The following RPS6KA4 variants were observed in gnomAD, a reference collection of about 807,000 sequenced individuals.
The protein encoded by RPS6KA4 is ribosomal protein S6 kinase A4, also known as ribosomal protein S6 kinase alpha-4.
RPS6KA4 carries 38 observed loss-of-function variants against 89.6 expected under a neutral mutation model. The observed-to-expected ratio is 0.42, with a 90% CI of 0.33 to 0.56. The LOEUF is 0.56. Among genes scored for constraint, RPS6KA4 ranks in the 20% least tolerant of loss-of-function variants. The pLI, the probability that RPS6KA4 is intolerant of heterozygous loss-of-function variation, is 0.07. For missense variants in RPS6KA4, 873 were observed against 1,098.8 expected (o/e 0.79, Z 2.90); for synonymous variants, 495 against 492.8 (o/e 1.00, Z -0.06).
At chr11:64,360,647 G>A (rs1310787264) in intron 4 of RPS6KA4, 55 bp downstream of exon 4, 4 of 1,452,298 alleles carry the variant, frequency 2.8e-6, no homozygotes, top group Non-Finnish European at 3.8e-6. Context: ...CTGTGCCTTG[G>A]AAGGAATCTG....
At chr11:64,364,652 C>T (rs915995499) in intron 8 of RPS6KA4, among the ~76,000 whole-genome samples, 1 of 152,018 alleles carries the variant, frequency 6.6e-6, no homozygotes, top group African/African-American at 2.4e-5. Context: ...TCATCTAACC[C>T]TGAGAGGGTC....
chr11:64,368,127 T>G lies in RPS6KA4; in HGVS notation c.1072-5T>G. On this transcript the variant is annotated splice_polypyrimidine_tract_variant and splice_region_variant and intron_variant, in intron 9 of 16. Coordinates refer to ENST00000334205, the MANE Select transcript of RPS6KA4 (RefSeq NM_003942.3). ...ATGCCCATTCCCCGGACTCCCGCCCTGCAGGGATACTCCTTTGTGGCACCC... is the reference window on the plus strand; with the variant it reads ...ATGCCCATTCCCCGGACTCCCGCCCGGCAGGGATACTCCTTTGTGGCACCC... 14 of 1,613,350 alleles carry G rather than the reference T, an allele frequency of 8.7e-6. No individual in the cohort carries two copies. Among genetic ancestry groups the G allele is most frequent in the Non-Finnish European group, 1.2e-5 (14 of 1,179,872 alleles).
rs750531289 is a variant in RPS6KA4 at position 64,369,858 on chromosome 11, G to C, written c.1762G>C (p.Glu588Gln). Residue 588 changes from glutamate (E) to glutamine (Q), a missense_variant, in exon 14 of 17, where the codon GAG (glutamate) becomes CAG (glutamine). Glu to Gln is a conservative substitution (Grantham distance 29). Around this residue, in one of 4 missense-constraint regions of RPS6KA4, gnomAD observed 278 missense variants for 284.8 expected, o/e 0.98. Coordinates refer to ENST00000334205, the MANE Select transcript of RPS6KA4 (RefSeq NM_003942.3). ...GCTGCTGGCGCAGCAGGGCTACGACGAGTCCTGCGACCTCTGGAGCCTGGG... is the reference window on the plus strand; with the variant it reads ...GCTGCTGGCGCAGCAGGGCTACGACCAGTCCTGCGACCTCTGGAGCCTGGG... ...PELLAQQGYD[E>Q]SCDLWSLGVI... is the part of the protein sequence containing the mutation. 7 of 1,566,874 alleles carry C rather than the reference G, an allele frequency of 4.5e-6. No homozygotes were observed. The Admixed American group carries it at 1.1e-4, about 25-fold the overall frequency.
intron 8 of RPS6KA4, among the ~76,000 whole-genome samples, chr11:64,364,374 C>T (rs1052042489): frequency 7.9e-5 from 12 of 152,040 alleles, no homozygotes; most frequent in African/African-American, 2.4e-4. Flanking sequence ...TTTGGTCACC[C>T]CTAACTGCAA....
Position 64,369,616 on chromosome 11 carries a change from G to C in RPS6KA4, c.1599G>C (p.Pro533=). 6.2e-7 allele frequency: 1 copy of C among 1,603,556 alleles called. No individual in the cohort carries two copies. The highest frequency in any genetic ancestry group is 8.5e-7 in the Non-Finnish European group (1 of 1,175,190). ...EAGVVHRDLK[P]ENILYADDTP... Reference sequence around the variant, plus strand: ...GCGTGGTGCACCGCGACCTCAAGCCGGAGGTGGGCGAGCTGCCTCGGCGGC... The same window carrying C: ...GCGTGGTGCACCGCGACCTCAAGCCCGAGGTGGGCGAGCTGCCTCGGCGGC... Residue 533 remains proline, a synonymous_variant, in exon 13 of 17, where the codon CCG becomes CCC. Transcript: ENST00000334205.
At position 64,371,693 on chromosome 11, in the gene RPS6KA4, T is replaced by G; in HGVS notation, c.*213T>G. The G allele has an allele frequency of 6.5e-6, 3 of 464,912 alleles. No homozygotes were observed. The highest frequency in any genetic ancestry group is 3.8e-6 in the Non-Finnish European group (1 of 262,134). The allele number at this position is 464,912 out of a possible 1,614,324, so 28.8% of individuals were successfully genotyped here. ...GAGTTGCAGGGAAGGGGGGGCCTGC[T>G]GGGGAGTGGGGTTTGGGGGGCCCTC... On this transcript the variant is annotated 3_prime_UTR_variant, in exon 17 of 17. Coordinates refer to ENST00000334205, the MANE Select transcript of RPS6KA4 (RefSeq NM_003942.3).
chr11:64,369,990 G>T, intron 14 of RPS6KA4, 97 bp downstream of exon 14: 1 of 1,317,810 alleles, frequency 7.6e-7, no homozygotes, highest in Non-Finnish European at 1.0e-6. Context: ...GGTCATCTTG[G>T]TGGGGGCGGC....
At chr11:64,369,936 C>G in intron 14 of RPS6KA4, 43 bp downstream of exon 14, 1 of 1,465,704 alleles carries the variant, frequency 6.8e-7, no homozygotes. Flanking sequence ...GTCGCTCGGA[C>G]CTGGCGTCTT....
At chr11:64,371,230 T>C (rs1591322725) in intron 16 of RPS6KA4, 53 bp from the exon 17 acceptor site, 3 of 1,566,018 alleles carry the variant, frequency 1.9e-6, no homozygotes, top group Admixed American at 3.5e-5. Flanking sequence ...AAACTAGATC[T>C]GGAAGCCGGG....
intron 8 of RPS6KA4, among the ~76,000 whole-genome samples, chr11:64,362,932 A>C (rs971793174): frequency 2.6e-5 from 4 of 152,100 alleles, no homozygotes; most frequent in Admixed American, 6.6e-5. Context: ...CATCCTCCCA[A>C]AGTGTTGGGA....
At position 64,361,205 on chromosome 11, in the gene RPS6KA4, G is replaced by A. The variant is rs374476876; in HGVS notation, c.534G>A (p.Thr178=). The change falls in exon 5 of 17, where the codon ACG becomes ACA. Residue 178 remains threonine (T), a synonymous_variant. Transcript: ENST00000334205. The surrounding 1 kb of genome is among the most constrained non-coding windows in gnomAD (Gnocchi z 4.7). ...LLDSEGHIVL[T]DFGLSKEFLT... ...ACTCCGAGGGCCACATTGTCCTCACGGACTTCGGGCTGAGCAAGGAGTTCC... is the reference window on the plus strand; with the variant it reads ...ACTCCGAGGGCCACATTGTCCTCACAGACTTCGGGCTGAGCAAGGAGTTCC... 1.1e-5 allele frequency: 18 copies of A among 1,613,462 alleles called. No homozygotes were observed. Among genetic ancestry groups the A allele is most frequent in the Middle Eastern group, 3.3e-4 (2 of 6,060 alleles).
intron 12 of RPS6KA4, 100 bp from the exon 13 acceptor site, chr11:64,369,346 A>T: frequency 7.7e-7 from 1 of 1,300,198 alleles, no homozygotes. Flanking sequence ...GGGTTCTCGA[A>T]CATTGGCAGG....
intron 9 of RPS6KA4, among the ~76,000 whole-genome samples, chr11:64,365,831 G>C (rs2036866101): frequency 6.6e-6 from 1 of 152,252 alleles, no homozygotes; most frequent in South Asian, 2.1e-4. Flanking sequence ...TTGAGGTCAG[G>C]AGTTCGAGAC....
intron 9 of RPS6KA4, among the ~76,000 whole-genome samples, chr11:64,366,186 T>G (rs113421210): frequency 0.3 from 44,667 of 151,140 alleles, 7,858 homozygotes; most frequent in South Asian, 0.38. Flanking sequence ...TTTTTTTTTT[T>G]TTTGAGACGG....
chr11:64,364,161 T>A (rs960284703), intron 8 of RPS6KA4, among the ~76,000 whole-genome samples: 5 of 151,996 alleles, frequency 3.3e-5, no homozygotes, highest in African/African-American at 1.2e-4. Context: ...TTTTTAATTT[T>A]TTTTTTATTC....
At position 64,372,102 on chromosome 11, in the gene RPS6KA4, G is replaced by T. The variant is rs2037090949; in HGVS notation, c.*622G>T. The stretch of plus-strand genomic sequence containing the variant: ...CTTCCTCTTTGGCACAGCTACTCCT[G>T]GCTGGGGGTGGGGCCTTGGGGGTCT... On this transcript the variant is annotated 3_prime_UTR_variant, in exon 17 of 17. Transcript: ENST00000334205. The T allele has an allele frequency of 6.5e-6, 1 of 152,714 alleles. No individual in the cohort carries two copies. Among genetic ancestry groups the T allele is most frequent in the Non-Finnish European group, 1.5e-5 (1 of 68,074 alleles). 9.5% of individuals were successfully genotyped at this position (152,714 alleles called of 1,614,324 possible).
intron 8 of RPS6KA4, 121 bp downstream of exon 8, chr11:64,362,123 A>T: frequency 8.2e-7 from 1 of 1,225,152 alleles, no homozygotes; most frequent in South Asian, 1.4e-5. Flanking sequence ...GAAAGAAAGC[A>T]AGTGTGTGTC....
chr11:64,369,640 G>A, intron 13 of RPS6KA4, 21 bp downstream of exon 13: 1 of 1,599,588 alleles, frequency 6.3e-7, no homozygotes, highest in Non-Finnish European at 8.5e-7. Flanking sequence ...TGCCTCGGCG[G>A]CGGGGCGGAG....
At position 64,369,488 on chromosome 11, in the gene RPS6KA4, C is replaced by A; in HGVS notation, c.1471C>A (p.Leu491Met). 1 of 1,609,830 alleles carries A rather than the reference C, an allele frequency of 6.2e-7. No individual in the cohort carries two copies. Among genetic ancestry groups the A allele is most frequent in the Non-Finnish European group, 8.5e-7 (1 of 1,178,972 alleles). ...LVLELLRGGE[L>M]LEHIRKKRHF... The stretch of plus-strand genomic sequence containing the variant: ...CCTGGAGCTGCTGCGGGGCGGGGAG[C>A]TGCTGGAGCACATCCGCAAGAAGCG... Residue 491 changes from leucine (L) to methionine (M), a missense_variant, in exon 13 of 17, where the codon CTG (leucine) becomes ATG (methionine). Coordinates refer to ENST00000334205, the MANE Select transcript of RPS6KA4 (RefSeq NM_003942.3).
Sources: gnomAD v4.1 joint callset for allele counts (sites outside exome capture counted in the v4.1 genomes callset) on GRCh38, gnomAD v4.1.1 for gene constraint, gnomAD v4.1.1 regional missense constraint, Gnocchi (gnomAD v3.1) non-coding constraint, MANE v1.5 for transcripts, NCBI Gene and HGNC (gene_info 2026-07-23, HGNC 2026-07-21) for gene names.